BDP1: variants seen among roughly 807,000 people sequenced by gnomAD.
BDP1 encodes transcription factor TFIIIB component B'' homolog.
Under a neutral mutation model 266.6 loss-of-function variants are expected in BDP1, and 169 were observed. The ratio of observed to expected loss-of-function variants is 0.63; its 90% CI spans 0.56 to 0.72. BDP1 has a LOEUF of 0.72. Ranked by LOEUF, BDP1 falls within the 30% of genes least tolerant of loss-of-function variation. The probability of loss-of-function intolerance (pLI) is 0.00; values close to 1 mark genes in which losing one functional copy is unlikely to be tolerated. For synonymous variants in BDP1, 1,090 were observed against 1,022.4 expected, an observed-to-expected ratio of 1.07 and a Z score of -1.26; for missense variants, 3,015 against 3,053.8, an observed-to-expected ratio of 0.99 and a Z score of 0.30.
At chr5:71,467,094 C>T (rs1313804772) in intron 5 of BDP1, among the ~76,000 whole-genome samples, 3 of 152,256 alleles carry the variant, frequency 2.0e-5, no homozygotes, top group East Asian at 1.9e-4. Flanking sequence ...TTTTATAATA[C>T]GTAGCCCAAA....
Position 71,489,497 on chromosome 5 carries a change from A to G in BDP1, c.1307A>G (p.Gln436Arg), listed in dbSNP as rs772752192. 1.6e-5 allele frequency: 26 copies of G among 1,614,030 alleles called. No homozygotes were observed. The East Asian group carries it at 5.3e-4, about 33-fold the overall frequency. Residue 436 changes from glutamine to arginine, a missense_variant, in exon 10 of 39, where the codon CAG (glutamine) becomes CGG (arginine). By Grantham distance (43) the Gln-to-Arg change is conservative. Around this residue, in one of 3 missense-constraint regions of BDP1, gnomAD observed 2,383 missense variants for 2,404.9 expected, o/e 0.99. Transcript: ENST00000358731. ...ACGGAAAGATCTCAGAAGGATGCTC[A>G]GACAGTTGAAGAAGAGTCTCTGACC... ...SDTERSQKDA[Q>R]TVEEESLTLS... is the part of the protein sequence containing the mutation.
intron 17 of BDP1, 37 bp downstream of exon 17, chr5:71,511,188 G>A (rs949156286): frequency 1.9e-5 from 29 of 1,539,228 alleles, no homozygotes; most frequent in Non-Finnish European, 2.5e-5. Context: ...TTTTTTGAAT[G>A]CTTTTTTCAG....
chr5:71,471,196 G>A (rs1252570732), intron 7 of BDP1, among the ~76,000 whole-genome samples: 1 of 141,720 alleles, frequency 7.1e-6, no homozygotes, highest in African/African-American at 2.7e-5. Context: ...AGGCTGGAGT[G>A]CAGTGGTGCG....
At chr5:71,470,891 CTT>C (rs56915738) in intron 7 of BDP1, among the ~76,000 whole-genome samples, 1 of 144,114 alleles carries the variant, frequency 6.9e-6, no homozygotes. Flanking sequence ...GTGCCCAGCC[CTT>C]TTTTTTTTTT....
At chr5:71,572,395 AG>A (rs1323267486), downstream of BDP1, among the ~76,000 whole-genome samples, 1 of 152,268 alleles carries the variant, frequency 6.6e-6, no homozygotes, top group Non-Finnish European at 1.5e-5. Context: ...GTCCAAACAC[AG>A]GGGCTTCGAG....
At chr5:71,482,966 A>G (rs1763046359) in intron 7 of BDP1, among the ~76,000 whole-genome samples, 1 of 152,242 alleles carries the variant, frequency 6.6e-6, no homozygotes, top group Admixed American at 6.5e-5. Context: ...TCATCTAAGA[A>G]TACACACTTG....
intron 26 of BDP1, among the ~76,000 whole-genome samples, chr5:71,536,074 G>GT (rs1766580012): frequency 6.6e-6 from 1 of 152,082 alleles, no homozygotes; most frequent in African/African-American, 2.4e-5. Context: ...AGAACCTATA[G>GT]TTCAAAGTTT....
At chr5:71,522,158 T>G in intron 22 of BDP1, 131 bp from the exon 23 acceptor site, 1 of 673,642 alleles carries the variant, frequency 1.5e-6, no homozygotes, top group Non-Finnish European at 2.5e-6. Context: ...ATGCTTGATT[T>G]TATTGCCAAT....
intron 8 of BDP1, among the ~76,000 whole-genome samples, chr5:71,484,612 CAT>C (rs1478718110): frequency 2.6e-5 from 4 of 152,050 alleles, no homozygotes; most frequent in South Asian, 4.1e-4. Flanking sequence ...TTAAAATTAA[CAT>C]ATTTTTCTTC....
chr5:71,522,624 G>T (rs1193396002), intron 23 of BDP1, 132 bp from the exon 24 acceptor site: 14 of 1,175,384 alleles, frequency 1.2e-5, no homozygotes, highest in African/African-American at 1.1e-4. Context: ...TGACTTTCTA[G>T]TGTTGTAAAA....
rs1764787683 is a variant in BDP1 at position 71,509,689 on chromosome 5, A to C, written c.2597A>C (p.Asn866Thr). 4 of 1,613,628 alleles carry C rather than the reference A, an allele frequency of 2.5e-6. No homozygotes were observed. In the African/African-American group the frequency reaches 5.3e-5, roughly 22 times the overall value. Residue 866 changes from asparagine (N) to threonine (T), a missense_variant, in exon 17 of 39, where the codon AAT becomes ACT. Transcript: ENST00000358731. ...AAGGAGATGGTACCAGCAGAGATTA[A>C]TACTAAAGAAATGCAGTCAGATTTA... ...SPKEMVPAEI[N>T]TKEMQSDLKE...
downstream of BDP1, among the ~76,000 whole-genome samples, chr5:71,570,035 G>T (rs1156628283): frequency 6.6e-6 from 1 of 152,134 alleles, no homozygotes; most frequent in Non-Finnish European, 1.5e-5. Context: ...TTATCTCATG[G>T]GTTAAGGAAA....
chr5:71,556,855 C>T (rs953801727), intron 35 of BDP1, 31 bp from the exon 36 acceptor site: 4 of 1,124,928 alleles, frequency 3.6e-6, no homozygotes, highest in Non-Finnish European at 5.0e-6. Flanking sequence ...TGATAAATTT[C>T]TAAATTTTTT....
At chr5:71,542,736 TCCC>T (rs1767050391) in intron 30 of BDP1, among the ~76,000 whole-genome samples, 2 of 151,964 alleles carry the variant, frequency 1.3e-5, no homozygotes, top group Non-Finnish European at 2.9e-5. Flanking sequence ...AACTTTTGAC[TCCC>T]CAAAAACTTA....
chr5:71,509,434 C>T (rs1001314506), intron 16 of BDP1, 31 bp from the exon 17 acceptor site: 32 of 1,501,200 alleles, frequency 2.1e-5, no homozygotes, highest in Non-Finnish European at 2.7e-5. Context: ...TGGTTTAAAA[C>T]TTGATTGTGT....
At chr5:71,548,614 G>A in intron 32 of BDP1, 68 bp from the exon 33 acceptor site, 1 of 950,864 alleles carries the variant, frequency 1.1e-6, no homozygotes, top group Non-Finnish European at 1.7e-6. Context: ...ATATCATATT[G>A]ACAGGAATAA....
chr5:71,511,077 T>G lies in BDP1; in HGVS notation c.3985T>G (p.Ser1329Ala). The G allele has an allele frequency of 6.2e-7, 1 of 1,614,150 alleles. No individual in the cohort carries two copies. The highest frequency in any genetic ancestry group is 1.1e-5 in the South Asian group (1 of 91,078). ...RENELEETST[S>A]RQTDTHLMQS... Reference sequence around the variant, plus strand: ...AAACGAGCTAGAGGAGACCAGTACCTCAAGACAAACTGACACACATTTAAT... The same window carrying G: ...AAACGAGCTAGAGGAGACCAGTACCGCAAGACAAACTGACACACATTTAAT... The change falls in exon 17 of 39, where the codon TCA (serine) becomes GCA (alanine). Residue 1329 changes from serine (S) to alanine (A), a missense_variant. This residue lies in a region of BDP1 where 2,383 missense variants were observed against 2,404.9 expected (regional missense o/e 0.99). Coordinates refer to ENST00000358731, the MANE Select transcript of BDP1 (RefSeq NM_018429.3).
chr5:71,513,655 A>G (rs970021897), intron 19 of BDP1, among the ~76,000 whole-genome samples: 3 of 152,278 alleles, frequency 2.0e-5, no homozygotes, highest in African/African-American at 7.2e-5. Context: ...TTCCAGTTCC[A>G]GCTATGTGAC....
chr5:71,565,704 A>G lies in BDP1; in HGVS notation c.*819A>G, dbSNP rs1481675460. 2 of 153,452 alleles carry G rather than the reference A, an allele frequency of 1.3e-5. No individual in the cohort carries two copies. Among genetic ancestry groups the G allele is most frequent in the Non-Finnish European group, 2.9e-5 (2 of 68,910 alleles). 9.5% of individuals were successfully genotyped at this position (153,452 alleles called of 1,614,324 possible). On this transcript the variant is annotated 3_prime_UTR_variant, in exon 39 of 39. Coordinates refer to ENST00000358731, the MANE Select transcript of BDP1 (RefSeq NM_018429.3). ...CACCTAACAAGGCAATTCTTAGAAC[A>G]TGTAGTTAAGGGACACGTGACTATA...
Sources: gnomAD v4.1 joint callset for allele counts (sites outside exome capture counted in the v4.1 genomes callset) on GRCh38, gnomAD v4.1.1 for gene constraint, gnomAD v4.1.1 regional missense constraint, MANE v1.5 for transcripts, NCBI Gene and HGNC (gene_info 2026-07-23, HGNC 2026-07-21) for gene names.